The following DGKB variants were observed in gnomAD, a reference collection of about 807,000 sequenced individuals.
The protein encoded by DGKB is 90 kDa diacylglycerol kinase.
Under a neutral mutation model 114.3 loss-of-function variants are expected in DGKB, and 67 were observed. The ratio of observed to expected loss-of-function variants is 0.59; its 90% CI spans 0.48 to 0.72. The LOEUF (loss-of-function observed/expected upper bound fraction) is 0.72, where lower values mean the gene tolerates loss of function less well. Among genes scored for constraint, DGKB ranks in the 30% least tolerant of loss-of-function variants. The pLI, the probability that DGKB is intolerant of heterozygous loss-of-function variation, is 0.00. For missense variants in DGKB, 907 were observed against 975.2 expected (o/e 0.93, Z 0.93); for synonymous variants, 398 against 323.1 (o/e 1.23, Z -2.49).
At chr7:14,853,469 G>A (rs375608714) in intron 1 of DGKB, among the ~76,000 whole-genome samples, 26 of 151,562 alleles carry the variant, frequency 1.7e-4, no homozygotes, top group East Asian at 1.2e-3. Context: ...AGAATATTAA[G>A]TGTGCTTTGT....
chr7:14,281,440 TAGAC>T (rs1270123873), intron 23 of DGKB, among the ~76,000 whole-genome samples: 2 of 141,928 alleles, frequency 1.4e-5, no homozygotes, highest in Admixed American at 7.1e-5. Flanking sequence ...CTGTCAACAT[TAGAC>T]AGATCAATGA....
rs574293510 is a variant in DGKB, at chr7:14,667,064, G to A, written c.1134+5865C>T. On this transcript the variant is annotated intron_variant, in intron 13 of 25. Transcript: ENST00000402815. ...TCAAGGCCAATTATCTGTGAAAGCC[G>A]TTTGTAATGCATGCTTATAAAAAGC... Among the ~76,000 whole-genome samples the A allele has an allele frequency of 5.3e-5, 8 of 152,110 alleles. No homozygotes were observed. The South Asian group carries it at 6.2e-4, about 12-fold the overall frequency.
chr7:14,334,942 A>G (rs1810403459), intron 23 of DGKB, among the ~76,000 whole-genome samples: 1 of 152,186 alleles, frequency 6.6e-6, no homozygotes, highest in African/African-American at 2.4e-5. Context: ...ATAAACACAT[A>G]TGCACACAAA....
intron 20 of DGKB, among the ~76,000 whole-genome samples, chr7:14,530,012 A>G (rs1359112912): frequency 6.6e-6 from 1 of 151,684 alleles, no homozygotes; most frequent in Non-Finnish European, 1.5e-5. Flanking sequence ...AATGGACTGG[A>G]GTAGATTTAT....
intron 23 of DGKB, among the ~76,000 whole-genome samples, chr7:14,233,546 G>A (rs551263922): frequency 3.9e-5 from 6 of 152,140 alleles, no homozygotes; most frequent in African/African-American, 9.6e-5. Context: ...TTAGTCAGAC[G>A]TGCTGTGAAG....
chr7:14,451,726 C>T (rs2128841424), intron 21 of DGKB, among the ~76,000 whole-genome samples: 1 of 152,178 alleles, frequency 6.6e-6, no homozygotes, highest in African/African-American at 2.4e-5. Context: ...ATACCCAGAA[C>T]AACTGGGTAG....
chr7:14,368,188 C>G (rs6975394), intron 21 of DGKB, among the ~76,000 whole-genome samples: 4,441 of 150,402 alleles, frequency 0.03, 96 homozygotes, highest in South Asian at 0.092. Context: ...CAGAGTGGTA[C>G]GTTTATTATA....
chr7:14,570,837 T>A (rs1210774074), intron 20 of DGKB, among the ~76,000 whole-genome samples: 1 of 151,916 alleles, frequency 6.6e-6, no homozygotes, highest in Non-Finnish European at 1.5e-5. Context: ...GAAAAAAAAA[T>A]CGATAAGTTG....
chr7:14,575,640 T>A (rs965878856), intron 19 of DGKB, among the ~76,000 whole-genome samples: 19 of 152,232 alleles, frequency 1.2e-4, no homozygotes, highest in African/African-American at 4.6e-4. Flanking sequence ...ATTTTACTAC[T>A]GATGATGATA....
intron 2 of DGKB, among the ~76,000 whole-genome samples, chr7:14,832,515 T>C (rs1846563592): frequency 6.6e-6 from 1 of 152,058 alleles, no homozygotes; most frequent in Admixed American, 6.6e-5. Context: ...TCATCTATTA[T>C]TGTTTTTTAA....
chr7:14,744,880 G>C (rs1013979594), intron 4 of DGKB, among the ~76,000 whole-genome samples: 1 of 151,918 alleles, frequency 6.6e-6, no homozygotes, highest in Non-Finnish European at 1.5e-5. Context: ...TTATTCCTGT[G>C]AACCAACCAG....
chr7:14,751,157 A>G (rs796543101), intron 4 of DGKB, among the ~76,000 whole-genome samples: 29 of 152,248 alleles, frequency 1.9e-4, no homozygotes, highest in African/African-American at 7.0e-4. Flanking sequence ...TAAAAACAAC[A>G]GATAAACCCT....
chr7:14,697,707 G>A (rs1437137758), intron 8 of DGKB, among the ~76,000 whole-genome samples: 1 of 137,418 alleles, frequency 7.3e-6, no homozygotes, highest in African/African-American at 2.9e-5. Flanking sequence ...AGGAAGGAAG[G>A]AAAGAAAGAA....
chr7:14,304,519 A>G (rs1007123580), intron 23 of DGKB, among the ~76,000 whole-genome samples: 32 of 152,158 alleles, frequency 2.1e-4, no homozygotes, highest in African/African-American at 6.0e-4. Context: ...AGCTTCAGAA[A>G]AAGAAATTGC....
At chr7:14,577,036 A>T (rs1005165523) in intron 19 of DGKB, among the ~76,000 whole-genome samples, 1 of 152,164 alleles carries the variant, frequency 6.6e-6, no homozygotes, top group African/African-American at 2.4e-5. Context: ...AATGATAAGT[A>T]ACTATTAATA....
chr7:14,841,466 A>G lies in DGKB; in HGVS notation c.-187-16T>C, dbSNP rs1271047412. 13 of 405,160 alleles carry G rather than the reference A, an allele frequency of 3.2e-5. No homozygotes were observed. In the East Asian group the frequency reaches 5.2e-4, roughly 16 times the overall value. The allele number at this position is 405,160 out of a possible 1,614,324, so 25.1% of individuals were successfully genotyped here. A position where few individuals can be genotyped will look rare whatever the true frequency, so the allele number is the denominator to read the frequency against. On this transcript the variant is annotated splice_polypyrimidine_tract_variant and intron_variant, in intron 1 of 25. Transcript: ENST00000402815. ...TGTTAAAGAACTGCAAAAAAAAAAA[A>G]CAGATCAAGATCAAAAGATTAACAT...
At chr7:14,837,407 C>T (rs1198124664) in intron 2 of DGKB, among the ~76,000 whole-genome samples, 3 of 152,152 alleles carry the variant, frequency 2.0e-5, no homozygotes, top group African/African-American at 4.8e-5. Flanking sequence ...TTTGGTTTTG[C>T]TGGAATTGGT....
chr7:14,397,693 T>A (rs1405287822), intron 21 of DGKB, among the ~76,000 whole-genome samples: 1 of 152,126 alleles, frequency 6.6e-6, no homozygotes, highest in Admixed American at 6.6e-5. Context: ...TGATTACTTA[T>A]TTTTCACTTT....
intron 15 of DGKB, among the ~76,000 whole-genome samples, chr7:14,618,653 T>G (rs980674304): frequency 1.3e-5 from 2 of 151,570 alleles, no homozygotes; most frequent in Admixed American, 6.6e-5. Flanking sequence ...CCACCTCTAT[T>G]TGAAGTCCCC....
Sources: allele counts gnomAD v4.1 joint callset (sites outside exome capture counted in the v4.1 genomes callset), GRCh38; gene constraint gnomAD v4.1.1; transcripts MANE v1.5; gene names NCBI Gene and HGNC (gene_info 2026-07-23, HGNC 2026-07-21).